The following COL12A1 variants were observed in gnomAD, a reference collection of about 807,000 sequenced individuals.
The protein encoded by COL12A1 is collagen type XII alpha 1 chain, also known as collagen alpha-1(XII) chain.
In COL12A1, 114 loss-of-function variants were observed where a neutral mutation model predicts 349.7. That is an observed-to-expected ratio of 0.33 (90% CI 0.28 to 0.38). COL12A1 has a LOEUF of 0.38. Ranked by LOEUF, COL12A1 falls within the 10% of genes least tolerant of loss-of-function variation. The pLI, the probability that COL12A1 is intolerant of heterozygous loss-of-function variation, is 1.00. For missense variants in COL12A1, 3,284 were observed against 3,756.9 expected (o/e 0.87, Z 3.29); for synonymous variants, 1,369 against 1,329.0 (o/e 1.03, Z -0.66).
intron 3 of COL12A1, among the ~76,000 whole-genome samples, chr6:75,194,423 G>T (rs921432914): frequency 6.6e-6 from 1 of 152,110 alleles, no homozygotes; most frequent in Admixed American, 6.6e-5. Flanking sequence ...GTGTTTCCTG[G>T]ATACTGAAAT....
chr6:75,183,483 C>T lies in COL12A1; in HGVS notation c.1458G>A (p.Arg486=), dbSNP rs560103397. 1.2e-5 allele frequency: 19 copies of T among 1,613,944 alleles called. No individual in the cohort carries two copies. Among genetic ancestry groups the T allele is most frequent in the Non-Finnish European group, 1.6e-5 (19 of 1,180,010 alleles). The part of the protein sequence containing the change: ...RVQISLVQYS[R]DPHTEFTLKK... ...TCAAAGTGAACTCAGTATGAGGATC[C>T]CGGCTGTATTGCACAAGACTAATCT... Residue 486 remains arginine, a synonymous_variant, in exon 10 of 66, where the codon CGG becomes CGA. Transcript: ENST00000322507.
At chr6:75,112,814 A>T (rs1007231462) in intron 51 of COL12A1, among the ~76,000 whole-genome samples, 2 of 151,574 alleles carry the variant, frequency 1.3e-5, no homozygotes, top group African/African-American at 4.8e-5. Flanking sequence ...TTTCACTGGC[A>T]TGTTTGTACT....
chr6:75,134,556 G>A (rs551059673), intron 32 of COL12A1, among the ~76,000 whole-genome samples, 170 bp downstream of exon 32: 31 of 151,876 alleles, frequency 2.0e-4, no homozygotes, highest in African/African-American at 7.0e-4. Flanking sequence ...GGGCAATAGA[G>A]CAAGACTCCA....
intron 1 of COL12A1, among the ~76,000 whole-genome samples, chr6:75,203,428 C>G (rs1009277159): frequency 2.0e-5 from 3 of 152,136 alleles, no homozygotes; most frequent in Admixed American, 6.5e-5. Flanking sequence ...CTGATAAATC[C>G]TTTACCTGAG....
At position 75,177,671 on chromosome 6, in the gene COL12A1, G is replaced by A; in HGVS notation, c.2429C>T (p.Thr810Ile). The change falls in exon 12 of 66, where the codon ACT (threonine) becomes ATT (isoleucine). Residue 810 changes from threonine (T) to isoleucine (I), a missense_variant. Around this residue, in one of 2 missense-constraint regions of COL12A1, gnomAD observed 2,601 missense variants for 2,824.8 expected, o/e 0.92. Transcript: ENST00000322507. ...PGTPLTGNAA[T>I]EEVRGNPRDL... ...AAGCATATTTCCTCTACCTTCTTCA[G>A]TGGCTGCATTTCCAGTTAATGGAGT... 6.2e-7 allele frequency: 1 copy of A among 1,614,078 alleles called. No homozygotes were observed. The highest frequency in any genetic ancestry group is 8.5e-7 in the Non-Finnish European group (1 of 1,180,020).
In COL12A1 at chr6:75,102,688, G is replaced by T; in HGVS notation, c.8324C>A (p.Pro2775His). The change falls in exon 56 of 66, where the codon CCC becomes CAC. Residue 2775 changes from proline to histidine, a missense_variant. Pro to His is a moderately conservative substitution (Grantham distance 77). This residue lies in a region of COL12A1 where 683 missense variants were observed against 932.1 expected (regional missense o/e 0.73). Transcript: ENST00000322507. ...GERGISGAIG[P>H]PGPRGDIGPP... ...ACCTATGTCTCCACGAGGACCAGGGGGCCCCTAAAATACACAAGAGAGAGA... is the reference window on the plus strand; with the variant it reads ...ACCTATGTCTCCACGAGGACCAGGGTGCCCCTAAAATACACAAGAGAGAGA... 3 of 1,540,150 alleles carry T rather than the reference G, an allele frequency of 1.9e-6. No individual in the cohort carries two copies. The highest frequency in any genetic ancestry group is 2.6e-6 in the Non-Finnish European group (3 of 1,147,750).
intron 60 of COL12A1, among the ~76,000 whole-genome samples, chr6:75,091,916 T>C (rs796503353): frequency 2.6e-5 from 4 of 152,230 alleles, no homozygotes; most frequent in African/African-American, 9.6e-5. Context: ...TTATCTGAGC[T>C]GCTTATTGTG....
intron 14 of COL12A1, among the ~76,000 whole-genome samples, chr6:75,161,120 A>T (rs1768006945): frequency 1.3e-5 from 2 of 152,096 alleles, no homozygotes; most frequent in Admixed American, 1.3e-4. Flanking sequence ...ACGTGGACGC[A>T]CCAGCTCACC....
At chr6:75,133,693 A>G (rs1766429195) in intron 33 of COL12A1, among the ~76,000 whole-genome samples, 165 bp downstream of exon 33, 2 of 152,042 alleles carry the variant, frequency 1.3e-5, no homozygotes, top group Admixed American at 1.3e-4. Flanking sequence ...TCCCTCTGTT[A>G]CCCAGGCTCT....
chr6:75,120,721 T>C (rs958089670), intron 44 of COL12A1, among the ~76,000 whole-genome samples: 2 of 152,176 alleles, frequency 1.3e-5, no homozygotes, highest in African/African-American at 4.8e-5. Context: ...TTGAGGCCCC[T>C]CCCTCATGGA....
In COL12A1 at chr6:75,113,752, A is replaced by T; in HGVS notation, c.7698-8T>A. On this transcript the variant is annotated splice_region_variant and splice_polypyrimidine_tract_variant and intron_variant, in intron 49 of 65. Coordinates refer to ENST00000322507, the MANE Select transcript of COL12A1 (RefSeq NM_004370.6). Reference sequence around the variant, plus strand: ...CCATTTGGGTGTAGGTCTCTGTTGGATAAAACAAAAGAAAGAAAAAGGAGA... The same window carrying T: ...CCATTTGGGTGTAGGTCTCTGTTGGTTAAAACAAAAGAAAGAAAAAGGAGA... 1 of 1,558,824 alleles carries T rather than the reference A, an allele frequency of 6.4e-7. No individual in the cohort carries two copies. Among genetic ancestry groups the T allele is most frequent in the Non-Finnish European group, 8.7e-7 (1 of 1,152,274 alleles).
chr6:75,095,814 T>C (rs1362551702), intron 59 of COL12A1, among the ~76,000 whole-genome samples: 1 of 152,346 alleles, frequency 6.6e-6, no homozygotes, highest in Non-Finnish European at 1.5e-5. Context: ...AAAGTGGATG[T>C]GCAGAAAGCA....
intron 3 of COL12A1, among the ~76,000 whole-genome samples, chr6:75,193,199 A>C (rs186526612): frequency 6.6e-5 from 10 of 152,276 alleles, no homozygotes; most frequent in Admixed American, 6.5e-4. Flanking sequence ...CAGGTTGGGT[A>C]GCCCCAGTGC....
At chr6:75,115,729 C>T (rs1769043409) in intron 49 of COL12A1, 55 bp downstream of exon 49, 2 of 1,549,222 alleles carry the variant, frequency 1.3e-6, no homozygotes, top group Non-Finnish European at 8.7e-7. Context: ...AGCAAATATT[C>T]CAAGAACTTT....
chr6:75,145,942 T>C (rs1197360426), intron 24 of COL12A1, among the ~76,000 whole-genome samples, 160 bp downstream of exon 24: 2 of 152,238 alleles, frequency 1.3e-5, no homozygotes, highest in African/African-American at 2.4e-5. Context: ...TCCATGCCAA[T>C]GTTTTCTACA....
chr6:75,202,881 C>T, intron 1 of COL12A1, 54 bp from the exon 2 acceptor site: 1 of 1,230,786 alleles, frequency 8.1e-7, no homozygotes, highest in Non-Finnish European at 1.2e-6. Flanking sequence ...GGCCTTGAAC[C>T]AGGTTAGAAC....
chr6:75,123,747 A>G (rs945139802), intron 42 of COL12A1, among the ~76,000 whole-genome samples: 1 of 152,190 alleles, frequency 6.6e-6, no homozygotes, highest in Non-Finnish European at 1.5e-5. Context: ...CACCAACTCA[A>G]TAACAGGGAC....
intron 27 of COL12A1, among the ~76,000 whole-genome samples, chr6:75,139,172 A>G (rs1370223868): frequency 1.3e-5 from 2 of 152,190 alleles, no homozygotes; most frequent in Non-Finnish European, 2.9e-5. Flanking sequence ...TTCTATTTAA[A>G]TGATTATTTT....
intron 31 of COL12A1, among the ~76,000 whole-genome samples, chr6:75,135,871 A>G (rs1006907097): frequency 6.6e-6 from 1 of 152,198 alleles, no homozygotes; most frequent in East Asian, 1.9e-4. Flanking sequence ...CAAATCTGAA[A>G]GCCTATTTAG....
Sources: gnomAD v4.1 joint callset for allele counts (sites outside exome capture counted in the v4.1 genomes callset) on GRCh38, gnomAD v4.1.1 for gene constraint, gnomAD v4.1.1 regional missense constraint, MANE v1.5 for transcripts, NCBI Gene and HGNC (gene_info 2026-07-23, HGNC 2026-07-21) for gene names.